PCDHA2: variants seen among roughly 807,000 people sequenced by gnomAD.
The protein encoded by PCDHA2 is protocadherin alpha-2.
Under a neutral mutation model 66.0 loss-of-function variants are expected in PCDHA2, and 58 were observed. The observed-to-expected ratio is 0.88, with a 90% CI of 0.71 to 1.09. The LOEUF is 1.09. PCDHA2 is among the 50% of genes least tolerant of loss of function. PCDHA2 has a pLI of 0.00. For synonymous variants in PCDHA2, 634 were observed against 554.0 expected, an observed-to-expected ratio of 1.14 and a Z score of -2.03; for missense variants, 1,267 against 1,242.3, an observed-to-expected ratio of 1.02 and a Z score of -0.30.
At chr5:140,813,628 C>T (rs1765347118) in intron 1 of PCDHA2, 1 of 151,940 alleles carries the variant, frequency 6.6e-6, no homozygotes, top group Admixed American at 6.6e-5. Context: ...ATGTGAAGGC[C>T]CAGGACATTA....
intron 1 of PCDHA2, among the ~76,000 whole-genome samples, chr5:140,887,705 T>G (rs1016402630): frequency 6.6e-6 from 1 of 152,172 alleles, no homozygotes; most frequent in Non-Finnish European, 1.5e-5. Context: ...TCAACCATAC[T>G]TCTTCTAATA....
chr5:140,848,335 G>GA (rs1397782811), intron 1 of PCDHA2: 5 of 865,392 alleles, frequency 5.8e-6, no homozygotes, highest in South Asian at 1.7e-5. Flanking sequence ...TCTGAATCCA[G>GA]ACAAATACAG....
At chr5:140,975,330 A>G (rs563974651) in intron 1 of PCDHA2, among the ~76,000 whole-genome samples, 1 of 152,320 alleles carries the variant, frequency 6.6e-6, no homozygotes, top group African/African-American at 2.4e-5. Flanking sequence ...CATCCAGATG[A>G]TCTCCCTTTC....
chr5:140,976,511 A>G (rs1216804890), intron 1 of PCDHA2, among the ~76,000 whole-genome samples: 1 of 152,148 alleles, frequency 6.6e-6, no homozygotes, highest in Non-Finnish European at 1.5e-5. Flanking sequence ...AGATCGCGCC[A>G]CTGCACACCA....
chr5:140,828,608 A>G, intron 1 of PCDHA2: 7 of 1,614,220 alleles, frequency 4.3e-6, no homozygotes, highest in Non-Finnish European at 5.9e-6. Flanking sequence ...CTATAAACTC[A>G]GTTCTAGCGA....
chr5:140,831,902 G>A (rs1771755236), intron 1 of PCDHA2, among the ~76,000 whole-genome samples: 1 of 152,130 alleles, frequency 6.6e-6, no homozygotes, highest in Admixed American at 6.6e-5. Flanking sequence ...TTGCCAAATA[G>A]CAAGTGCTTA....
At chr5:140,971,207 A>C (rs2096463327) in intron 1 of PCDHA2, among the ~76,000 whole-genome samples, 1 of 152,050 alleles carries the variant, frequency 6.6e-6, no homozygotes, top group South Asian at 2.1e-4. Flanking sequence ...AGACACTGTT[A>C]CCCTCCCTCT....
At chr5:140,877,259 C>G in intron 1 of PCDHA2, 1 of 1,613,752 alleles carries the variant, frequency 6.2e-7, no homozygotes, top group Non-Finnish European at 8.5e-7. Flanking sequence ...AAAGTGCGCG[C>G]GGTGGACGCT....
At chr5:140,869,771 C>T (rs1554163429) in intron 1 of PCDHA2, 11 of 1,613,176 alleles carry the variant, frequency 6.8e-6, no homozygotes, top group Middle Eastern at 1.6e-4. Flanking sequence ...CCAGAGCTTA[C>T]TGGCACCGTT....
chr5:140,989,925 T>G (rs2097366658), intron 3 of PCDHA2, among the ~76,000 whole-genome samples: 1 of 151,810 alleles, frequency 6.6e-6, no homozygotes, highest in South Asian at 2.1e-4. Context: ...AGAGCAGAGA[T>G]AGATGACATT....
chr5:140,978,717 T>C (rs545119234), intron 1 of PCDHA2, among the ~76,000 whole-genome samples: 1 of 152,390 alleles, frequency 6.6e-6, no homozygotes, highest in East Asian at 1.9e-4. Context: ...TTTACAAGAT[T>C]ATTAAATCTG....
rs782287156 is a variant in PCDHA2 at position 140,796,311 on chromosome 5, C to A, written c.1347C>A (p.Asn449Lys). ...TSVSIEVADVNDNAPAFAQPE... is the reference protein window; with the variant it reads ...TSVSIEVADVKDNAPAFAQPE... ...TGTCCATCGAGGTGGCCGACGTGAACGACAACGCGCCGGCGTTCGCACAGC... is the reference window on the plus strand; with the variant it reads ...TGTCCATCGAGGTGGCCGACGTGAAAGACAACGCGCCGGCGTTCGCACAGC... Residue 449 changes from asparagine (N) to lysine (K), a missense_variant, in exon 1 of 4, where the codon AAC (asparagine) becomes AAA (lysine). Coordinates refer to ENST00000526136, the MANE Select transcript of PCDHA2 (RefSeq NM_018905.3). 1 of 1,614,104 alleles carries A rather than the reference C, an allele frequency of 6.2e-7. No individual in the cohort carries two copies. The highest frequency in any genetic ancestry group is 8.5e-7 in the Non-Finnish European group (1 of 1,180,022).
chr5:140,841,782 T>C (rs1777485845), intron 1 of PCDHA2: 1 of 1,613,764 alleles, frequency 6.2e-7, no homozygotes, highest in Non-Finnish European at 8.5e-7. Context: ...CGGTTTCCGC[T>C]AGAGGGCGCG....
chr5:140,987,012 G>A (rs2097222470), intron 3 of PCDHA2, among the ~76,000 whole-genome samples: 1 of 151,994 alleles, frequency 6.6e-6, no homozygotes. Context: ...TCATGAGTTC[G>A]AGACCAGCCT....
intron 3 of PCDHA2, among the ~76,000 whole-genome samples, chr5:141,002,939 A>G (rs2098103546): frequency 6.6e-6 from 1 of 152,238 alleles, no homozygotes; most frequent in Admixed American, 6.5e-5. Context: ...AACACCCTCC[A>G]GCACATGCCC....
At position 140,805,202 on chromosome 5, in the gene PCDHA2, C is replaced by G. The variant is rs1440832187; in HGVS notation, c.2388+7850C>G. 6 of 1,438,084 alleles carry G rather than the reference C, an allele frequency of 4.2e-6. No homozygotes were observed. In the African/African-American group the frequency reaches 7.2e-5, roughly 17 times the overall value. 89.1% of individuals were successfully genotyped at this position (1,438,084 alleles called of 1,614,324 possible). A position where few individuals can be genotyped will look rare whatever the true frequency, so the allele number is the denominator to read the frequency against. The stretch of plus-strand genomic sequence containing the variant: ...TGCCAAATAAATATTGAATAGCTAC[C>G]AAATAAACATTGTTTTCTATTCTGC... On this transcript the variant is annotated intron_variant, in intron 1 of 3. Coordinates refer to ENST00000526136, the MANE Select transcript of PCDHA2 (RefSeq NM_018905.3).
intron 1 of PCDHA2, among the ~76,000 whole-genome samples, chr5:140,838,075 A>AGTGTGTGTGTGTG (rs781914509): frequency 7.8e-6 from 1 of 128,240 alleles, no homozygotes; most frequent in African/African-American, 3.1e-5. Context: ...TTATATATAT[A>AGTGTGTGTGTGTG]TAGTGTGTGT....
chr5:140,863,239 T>C (rs1554158001), intron 1 of PCDHA2: 26 of 1,323,164 alleles, frequency 2.0e-5, no homozygotes, highest in African/African-American at 2.9e-5. Context: ...ATCGCGGGCT[T>C]TGGCGGGCGT....
At chr5:140,873,835 A>G (rs917455135) in intron 1 of PCDHA2, among the ~76,000 whole-genome samples, 3 of 151,964 alleles carry the variant, frequency 2.0e-5, no homozygotes, top group Admixed American at 6.6e-5. Flanking sequence ...TAATTTTTGT[A>G]TTTTTAGTAG....
Sources: allele counts gnomAD v4.1 joint callset (sites outside exome capture counted in the v4.1 genomes callset), GRCh38; gene constraint gnomAD v4.1.1; transcripts MANE v1.5; gene names NCBI Gene and HGNC (gene_info 2026-07-23, HGNC 2026-07-21).